The following BMPER variants were observed in gnomAD, a reference collection of about 807,000 sequenced individuals.
BMPER encodes the protein BMP-binding endothelial regulator protein.
BMPER carries 45 observed loss-of-function variants against 87.3 expected under a neutral mutation model. The ratio of observed to expected loss-of-function variants is 0.52; its 90% CI spans 0.41 to 0.66. The LOEUF is 0.66. Ranked by LOEUF, BMPER falls within the 30% of genes least tolerant of loss-of-function variation. The pLI is 0.00. For synonymous variants in BMPER, 326 were observed against 316.2 expected (o/e 1.03, Z -0.33); for missense variants, 784 against 867.5 (o/e 0.90, Z 1.21).
At chr7:33,908,087 G>A (rs1423060031) in intron 2 of BMPER, among the ~76,000 whole-genome samples, 1 of 152,172 alleles carries the variant, frequency 6.6e-6, no homozygotes, top group African/African-American at 2.4e-5. Flanking sequence ...TATTATGATT[G>A]CATATTTATG....
At chr7:34,143,389 CA>C in intron 14 of BMPER, 29 bp downstream of exon 14, 3 of 1,613,082 alleles carry the variant, frequency 1.9e-6, no homozygotes, top group South Asian at 1.1e-5. Flanking sequence ...ATCTACCCAT[CA>C]AAAGTTTACT....
intron 14 of BMPER, 67 bp from the exon 15 acceptor site, chr7:34,153,025 A>G: frequency 6.3e-7 from 1 of 1,580,864 alleles, no homozygotes; most frequent in Non-Finnish European, 8.7e-7. Flanking sequence ...CAAGAACGGC[A>G]TCTGGCTGAG....
At chr7:34,010,756 G>A (rs991215361) in intron 6 of BMPER, among the ~76,000 whole-genome samples, 12 of 151,818 alleles carry the variant, frequency 7.9e-5, no homozygotes, top group Admixed American at 1.3e-4. Context: ...AAAGGTTTGC[G>A]TGGGATGATA....
chr7:33,972,347 T>C (rs1785571281), intron 5 of BMPER, among the ~76,000 whole-genome samples: 1 of 152,174 alleles, frequency 6.6e-6, no homozygotes, highest in Non-Finnish European at 1.5e-5. Context: ...ACTTAGGAGA[T>C]AGTCATATTT....
At chr7:33,964,136 A>G (rs1461484619) in intron 3 of BMPER, among the ~76,000 whole-genome samples, 1 of 152,220 alleles carries the variant, frequency 6.6e-6, no homozygotes, top group African/African-American at 2.4e-5. Context: ...TCATGAATTA[A>G]AATAACATGT....
chr7:33,965,262 C>T (rs780862027), intron 3 of BMPER, among the ~76,000 whole-genome samples: 59 of 152,204 alleles, frequency 3.9e-4, no homozygotes, highest in Non-Finnish European at 7.5e-4. Context: ...AACTAGAGAG[C>T]AGAGTATTAC....
chr7:33,914,715 G>C (rs1021278559), intron 2 of BMPER, among the ~76,000 whole-genome samples: 1 of 152,084 alleles, frequency 6.6e-6, no homozygotes, highest in Admixed American at 6.5e-5. Context: ...TTAAAAAAAT[G>C]GGCCTATAAT....
In BMPER at chr7:34,156,340, C is replaced by A. The variant is rs1214044458; in HGVS notation, c.*3067C>A. ...TGCAAACATCCATGACTACATTACC[C>A]TAATTAAGAAACATAACCTGGTAAG... On this transcript the variant is annotated 3_prime_UTR_variant, in exon 15 of 15. Transcript: ENST00000649409. Among the ~76,000 whole-genome samples, 2 of 152,224 alleles carry A rather than the reference C, an allele frequency of 1.3e-5. No individual in the cohort carries two copies. The highest frequency in any genetic ancestry group is 4.8e-5 in the African/African-American group (2 of 41,454).
intron 6 of BMPER, among the ~76,000 whole-genome samples, chr7:34,042,306 G>A (rs1787853037): frequency 6.6e-6 from 1 of 152,094 alleles, no homozygotes; most frequent in Admixed American, 6.6e-5. Context: ...CTAAGGAAAG[G>A]CAGATGATGA....
At chr7:33,959,007 A>C (rs1425251452) in intron 3 of BMPER, among the ~76,000 whole-genome samples, 2 of 152,150 alleles carry the variant, frequency 1.3e-5, no homozygotes, top group African/African-American at 4.8e-5. Context: ...TCCCCTGGAC[A>C]CGCTCTCTCT....
chr7:33,946,199 C>T (rs1477913230), intron 3 of BMPER, among the ~76,000 whole-genome samples: 2 of 152,104 alleles, frequency 1.3e-5, no homozygotes, highest in African/African-American at 2.4e-5. Flanking sequence ...CATCAGATCT[C>T]GTGAGAACTC....
At chr7:34,124,530 T>C (rs2127990083) in intron 13 of BMPER, among the ~76,000 whole-genome samples, 1 of 152,196 alleles carries the variant, frequency 6.6e-6, no homozygotes, top group East Asian at 1.9e-4. Flanking sequence ...AAGCAGTTAT[T>C]GATGGCATAT....
At chr7:33,963,760 T>C (rs1362500005) in intron 3 of BMPER, among the ~76,000 whole-genome samples, 1 of 152,046 alleles carries the variant, frequency 6.6e-6, no homozygotes, top group East Asian at 1.9e-4. Flanking sequence ...GCCATTGCAC[T>C]CTAGCCTGGG....
At chr7:33,994,362 G>A (rs553724920) in intron 6 of BMPER, among the ~76,000 whole-genome samples, 58 of 152,280 alleles carry the variant, frequency 3.8e-4, no homozygotes, top group African/African-American at 1.3e-3. Context: ...CGCGGTATTC[G>A]GGTGGGAGTG....
At chr7:34,132,125 CT>C (rs1465744318) in intron 13 of BMPER, among the ~76,000 whole-genome samples, 1 of 152,154 alleles carries the variant, frequency 6.6e-6, no homozygotes, top group Non-Finnish European at 1.5e-5. Flanking sequence ...ACTTACCTTG[CT>C]GCCTCTTCGA....
intron 13 of BMPER, among the ~76,000 whole-genome samples, chr7:34,130,184 CTG>C (rs1447577266): frequency 1.7e-5 from 1 of 57,624 alleles, no homozygotes; most frequent in East Asian, 1.1e-3. Context: ...CTTCTTGATT[CTG>C]TCTCTCTCTC....
At chr7:34,030,739 G>A (rs1787499540) in intron 6 of BMPER, among the ~76,000 whole-genome samples, 2 of 151,706 alleles carry the variant, frequency 1.3e-5, no homozygotes, top group Admixed American at 1.3e-4. Context: ...CCTCCCACCT[G>A]AGGCTACAGG....
At chr7:33,992,317 T>A (rs1165850550) in intron 6 of BMPER, among the ~76,000 whole-genome samples, 2 of 138,172 alleles carry the variant, frequency 1.4e-5, no homozygotes, top group African/African-American at 5.6e-5. Context: ...TGGGTGCATA[T>A]ATATTTAGGA....
intron 13 of BMPER, among the ~76,000 whole-genome samples, chr7:34,097,187 G>GTTT (rs1789552474): frequency 6.6e-6 from 1 of 152,196 alleles, no homozygotes; most frequent in African/African-American, 2.4e-5. Flanking sequence ...ACAAAAAGAG[G>GTTT]AGCAGGAGGC....
Sources: gnomAD v4.1 joint callset for allele counts (sites outside exome capture counted in the v4.1 genomes callset) on GRCh38, gnomAD v4.1.1 for gene constraint, MANE v1.5 for transcripts, NCBI Gene and HGNC (gene_info 2026-07-23, HGNC 2026-07-21) for gene names.